HCN1: variants seen among roughly 807,000 people sequenced by gnomAD.
The protein encoded by HCN1 is hyperpolarization activated cyclic nucleotide gated potassium channel 1.
Under a neutral mutation model 78.9 loss-of-function variants are expected in HCN1, and 13 were observed. The observed-to-expected ratio is 0.16, with a 90% CI of 0.11 to 0.26. HCN1 has a LOEUF of 0.26. Among genes scored for constraint, HCN1 ranks in the 10% least tolerant of loss-of-function variants. The pLI, the probability that HCN1 is intolerant of heterozygous loss-of-function variation, is 1.00. For synonymous variants in HCN1, 552 were observed against 455.5 expected (o/e 1.21, Z -2.70); for missense variants, 810 against 1,154.3 (o/e 0.70, Z 4.32).
intron 2 of HCN1, among the ~76,000 whole-genome samples, chr5:45,464,401 G>A (rs1309091736): frequency 6.6e-6 from 1 of 152,040 alleles, no homozygotes; most frequent in Non-Finnish European, 1.5e-5. Flanking sequence ...TGCTAGTGCT[G>A]GCTTCATACA....
intron 4 of HCN1, among the ~76,000 whole-genome samples, chr5:45,374,150 A>T (rs1253784014): frequency 8.3e-6 from 1 of 120,032 alleles, no homozygotes; most frequent in Non-Finnish European, 1.6e-5. Context: ...CATATTATAT[A>T]TAATATACAT....
chr5:45,624,410 A>G (rs2112000888), intron 2 of HCN1, among the ~76,000 whole-genome samples: 1 of 152,300 alleles, frequency 6.6e-6, no homozygotes, highest in South Asian at 2.1e-4. Flanking sequence ...AACAGTGAGA[A>G]AGAGTAGTTA....
At chr5:45,326,442 A>T (rs1460346189) in intron 5 of HCN1, among the ~76,000 whole-genome samples, 1 of 151,594 alleles carries the variant, frequency 6.6e-6, no homozygotes, top group Non-Finnish European at 1.5e-5. Context: ...CATTCTTTTT[A>T]GTGGCCACAA....
chr5:45,449,615 T>G (rs1341263272), intron 3 of HCN1, among the ~76,000 whole-genome samples: 1 of 152,112 alleles, frequency 6.6e-6, no homozygotes, highest in Non-Finnish European at 1.5e-5. Flanking sequence ...TTTCTTTTTT[T>G]TTTCTTTATA....
chr5:45,574,683 C>T (rs187096341), intron 2 of HCN1: 4 of 152,258 alleles, frequency 2.6e-5, no homozygotes, highest in African/African-American at 9.6e-5. Flanking sequence ...CCAAAATCTA[C>T]GTTTCTTATG....
chr5:45,477,523 G>A (rs539602191), intron 2 of HCN1, among the ~76,000 whole-genome samples: 14 of 152,108 alleles, frequency 9.2e-5, no homozygotes, highest in Middle Eastern at 3.4e-3. Flanking sequence ...GAGCAGGTCC[G>A]GAAACCTGGT....
intron 4 of HCN1, among the ~76,000 whole-genome samples, chr5:45,392,291 T>G (rs1739582581): frequency 6.6e-6 from 1 of 152,088 alleles, no homozygotes; most frequent in Non-Finnish European, 1.5e-5. Flanking sequence ...TGGAATAAAT[T>G]TATGTGGCAG....
chr5:45,357,019 C>G (rs563252503), intron 4 of HCN1, among the ~76,000 whole-genome samples: 1 of 151,888 alleles, frequency 6.6e-6, no homozygotes, highest in Non-Finnish European at 1.5e-5. Flanking sequence ...GGGTAATTAG[C>G]CTTCATTTAG....
At chr5:45,676,127 C>T (rs1247499659) in intron 1 of HCN1, among the ~76,000 whole-genome samples, 2 of 151,840 alleles carry the variant, frequency 1.3e-5, no homozygotes, top group African/African-American at 4.8e-5. Context: ...TATAAACAAG[C>T]TTTATTCTCA....
intron 6 of HCN1, among the ~76,000 whole-genome samples, chr5:45,278,231 G>T (rs1033018826): frequency 6.6e-6 from 1 of 151,886 alleles, no homozygotes. Context: ...TCCTTCACTC[G>T]ATAGATTACA....
intron 2 of HCN1, among the ~76,000 whole-genome samples, chr5:45,561,020 G>T (rs1205165243): frequency 6.6e-6 from 1 of 151,968 alleles, no homozygotes. Flanking sequence ...TGCAGATTCT[G>T]TCTTTGTTTC....
intron 2 of HCN1, among the ~76,000 whole-genome samples, chr5:45,484,203 C>T (rs935124889): frequency 2.0e-5 from 3 of 151,944 alleles, no homozygotes; most frequent in East Asian, 1.9e-4. Context: ...GAGGCTGAGG[C>T]GGGCAGATCA....
intron 4 of HCN1, among the ~76,000 whole-genome samples, chr5:45,376,236 C>CTATATATGCTATATAGAATATAGAA (rs1321997607): frequency 3.6e-5 from 1 of 27,950 alleles, no homozygotes; most frequent in Non-Finnish European, 7.3e-5. Flanking sequence ...AATATATATT[C>CTATATATGCTATATAGAATATAGAA]TATATATTCT....
intron 2 of HCN1, among the ~76,000 whole-genome samples, chr5:45,510,148 A>C (rs996637836): frequency 6.6e-6 from 1 of 152,142 alleles, no homozygotes; most frequent in African/African-American, 2.4e-5. Context: ...ACTTGATATC[A>C]GATGGAAAGT....
chr5:45,314,866 A>G lies in HCN1; in HGVS notation c.1378-11027T>C, dbSNP rs1745944598. Among the ~76,000 whole-genome samples the G allele has an allele frequency of 4.6e-5, 7 of 152,212 alleles. No homozygotes were observed. In the South Asian group the frequency reaches 1.4e-3, roughly 32 times the overall value. Reference sequence around the variant, plus strand: ...ATCAATTCAACAAGAAGAGCTAACTATCCTAAATATATATGCACCCAATAC... The same window carrying G: ...ATCAATTCAACAAGAAGAGCTAACTGTCCTAAATATATATGCACCCAATAC... On this transcript the variant is annotated intron_variant, in intron 5 of 7. Transcript: ENST00000303230.
intron 3 of HCN1, among the ~76,000 whole-genome samples, chr5:45,431,367 A>G (rs1740460285): frequency 6.6e-6 from 1 of 152,090 alleles, no homozygotes; most frequent in Non-Finnish European, 1.5e-5. Context: ...TAAATATTTT[A>G]TCACATTCTC....
At chr5:45,424,119 C>CAAAAA (rs35117761) in intron 3 of HCN1, among the ~76,000 whole-genome samples, 4 of 67,962 alleles carry the variant, frequency 5.9e-5, no homozygotes, top group South Asian at 5.8e-4. Flanking sequence ...ACTAAAAATC[C>CAAAAA]AAAAAAAAAA....
chr5:45,289,822 A>T lies in HCN1; in HGVS notation c.1618+13777T>A, dbSNP rs915680164. ...TATTCTTACAGTTCTGGAGCCTCAA[A>T]GTTCAAGATCAGGGTGCCAGCATGG... On this transcript the variant is annotated intron_variant, in intron 6 of 7. Transcript: ENST00000303230. Among the ~76,000 whole-genome samples, 4 of 152,192 alleles carry T rather than the reference A, an allele frequency of 2.6e-5. No individual in the cohort carries two copies. In the South Asian group the frequency reaches 8.3e-4, roughly 32 times the overall value.
chr5:45,519,203 G>T (rs1172954381), intron 2 of HCN1, among the ~76,000 whole-genome samples: 3 of 151,956 alleles, frequency 2.0e-5, no homozygotes, highest in Non-Finnish European at 4.4e-5. Flanking sequence ...TGGGAAATGA[G>T]AATCTGAGTT....
Sources: allele counts gnomAD v4.1 joint callset (sites outside exome capture counted in the v4.1 genomes callset), GRCh38; gene constraint gnomAD v4.1.1; transcripts MANE v1.5; gene names NCBI Gene and HGNC (gene_info 2026-07-23, HGNC 2026-07-21).